Variants in PCDH15 observed in about 807,000 individuals in gnomAD.
PCDH15 encodes protocadherin related 15.
PCDH15 carries 129 observed loss-of-function variants against 178.5 expected under a neutral mutation model. The ratio of observed to expected loss-of-function variants is 0.72; its 90% CI spans 0.63 to 0.84. The LOEUF is 0.84. Ranked by LOEUF, PCDH15 falls within the 40% of genes least tolerant of loss-of-function variation. The pLI is 0.00. For missense variants in PCDH15, 2,230 were observed against 2,099.9 expected (o/e 1.06, Z -1.21); for synonymous variants, 800 against 732.0 (o/e 1.09, Z -1.50).
chr10:53,963,315 T>C (rs1047357316), intron 21 of PCDH15, among the ~76,000 whole-genome samples: 13 of 152,194 alleles, frequency 8.5e-5, no homozygotes, highest in African/African-American at 2.9e-4. Flanking sequence ...GACTGTCTCC[T>C]TGAATACATT....
intron 2 of PCDH15, among the ~76,000 whole-genome samples, chr10:54,911,818 T>G (rs1954823502): frequency 6.6e-6 from 1 of 152,182 alleles, no homozygotes; most frequent in South Asian, 2.1e-4. Context: ...ATGTGCCTTG[T>G]TTCCCTTCAC....
intron 2 of PCDH15, among the ~76,000 whole-genome samples, chr10:55,365,089 AT>A (rs1029466579): frequency 1.3e-5 from 2 of 151,784 alleles, no homozygotes; most frequent in Non-Finnish European, 2.9e-5. Context: ...TAATTTCAAC[AT>A]TTTTTTCTTC....
chr10:54,463,219 A>G (rs1322978182), intron 3 of PCDH15, among the ~76,000 whole-genome samples: 1 of 152,186 alleles, frequency 6.6e-6, no homozygotes, highest in African/African-American at 2.4e-5. Context: ...CTTTGATGGT[A>G]CCAATTTCAT....
At chr10:54,723,643 T>C (rs1453234309) in intron 1 of PCDH15, among the ~76,000 whole-genome samples, 1 of 151,702 alleles carries the variant, frequency 6.6e-6, no homozygotes, top group Non-Finnish European at 1.5e-5. Context: ...TTTCAAATCA[T>C]GCTTCTGACA....
At chr10:53,818,873 G>T (rs909231793) in intron 33 of PCDH15, among the ~76,000 whole-genome samples, 6 of 151,888 alleles carry the variant, frequency 4.0e-5, no homozygotes, top group African/African-American at 1.4e-4. Flanking sequence ...TCCAACAAAA[G>T]AATCTCTGTA....
chr10:54,503,264 T>TGAGA (rs10663998), intron 3 of PCDH15, among the ~76,000 whole-genome samples: 199 of 137,374 alleles, frequency 1.4e-3, no homozygotes, highest in African/African-American at 4.1e-3. Flanking sequence ...TGTGTGTGTG[T>TGAGA]GATTATATAT....
At chr10:55,591,278 C>T (rs1013835313) in intron 2 of PCDH15, among the ~76,000 whole-genome samples, 2 of 151,762 alleles carry the variant, frequency 1.3e-5, no homozygotes, top group African/African-American at 2.4e-5. Flanking sequence ...ACCAAAACTA[C>T]AAAAAAATTA....
At chr10:53,987,177 G>C (rs180714825) in intron 21 of PCDH15, among the ~76,000 whole-genome samples, 2 of 152,000 alleles carry the variant, frequency 1.3e-5, no homozygotes, top group African/African-American at 4.8e-5. Context: ...ATCTAAAAAT[G>C]AAGAAAAATT....
chr10:54,562,015 G>A (rs887624318), intron 2 of PCDH15, among the ~76,000 whole-genome samples: 1 of 91,814 alleles, frequency 1.1e-5, no homozygotes, highest in African/African-American at 4.6e-5. Flanking sequence ...TCCTGAGATT[G>A]TATCTCCCTC....
chr10:54,715,607 T>C (rs1005596761), intron 1 of PCDH15, among the ~76,000 whole-genome samples: 16 of 152,132 alleles, frequency 1.1e-4, no homozygotes, highest in African/African-American at 3.4e-4. Context: ...TTTTCTTTCA[T>C]GGCCAGACAT....
chr10:55,490,039 G>GA (rs1045747235), intron 2 of PCDH15, among the ~76,000 whole-genome samples: 10 of 150,476 alleles, frequency 6.6e-5, no homozygotes, highest in Admixed American at 2.7e-4. Context: ...AAAACAAACA[G>GA]AAAAAAAAAT....
At chr10:54,613,907 A>G (rs1182853232) in intron 2 of PCDH15, among the ~76,000 whole-genome samples, 5 of 151,824 alleles carry the variant, frequency 3.3e-5, no homozygotes, top group Non-Finnish European at 5.9e-5. Flanking sequence ...AATTAGTGCT[A>G]TAATGGCAGG....
intron 9 of PCDH15, among the ~76,000 whole-genome samples, chr10:54,233,275 AC>A (rs1390555935): frequency 6.6e-6 from 1 of 152,118 alleles, no homozygotes; most frequent in Non-Finnish European, 1.5e-5. Flanking sequence ...AGTTTGCTTA[AC>A]ATTTCCAGTG....
chr10:55,500,585 A>G (rs969891868), intron 2 of PCDH15, among the ~76,000 whole-genome samples: 1 of 151,914 alleles, frequency 6.6e-6, no homozygotes, highest in Middle Eastern at 3.4e-3. Context: ...CAAATTCTTC[A>G]GTTCTAACTA....
chr10:53,803,340 G>A lies in PCDH15; in HGVS notation c.*3239C>T, dbSNP rs1840977908. 1 of 151,896 alleles carries A rather than the reference G, an allele frequency of 6.6e-6. No individual in the cohort carries two copies. Among genetic ancestry groups the A allele is most frequent in the African/African-American group, 2.4e-5 (1 of 41,410 alleles). 9.4% of individuals were successfully genotyped at this position (151,896 alleles called of 1,614,324 possible). A position where few individuals can be genotyped will look rare whatever the true frequency, so the allele number is the denominator to read the frequency against. On this transcript the variant is annotated 3_prime_UTR_variant, in exon 38 of 38. Transcript: ENST00000644397. ...GAGAAAGAGAAAAATCAAAGCTCAT[G>A]AAATAAAAGACAGAAAATGTCTTCC...
chr10:55,428,633 T>A (rs944736523), intron 2 of PCDH15, among the ~76,000 whole-genome samples: 4 of 151,946 alleles, frequency 2.6e-5, no homozygotes, highest in African/African-American at 9.7e-5. Context: ...AGCAGTTTTT[T>A]GATAACATAT....
chr10:54,546,976 A>G (rs2085932899), intron 2 of PCDH15, among the ~76,000 whole-genome samples: 1 of 152,180 alleles, frequency 6.6e-6, no homozygotes, highest in Non-Finnish European at 1.5e-5. Context: ...TGAAGTCTGT[A>G]ATGACATTGT....
intron 2 of PCDH15, among the ~76,000 whole-genome samples, chr10:54,599,290 T>C (rs545748681): frequency 6.6e-6 from 1 of 152,164 alleles, no homozygotes; most frequent in East Asian, 1.9e-4. Context: ...AACAACATGG[T>C]ATTGGTACAA....
In PCDH15 at chr10:54,313,168, C is replaced by A. The variant is rs2061012425; in HGVS notation, c.876+4103G>T. On this transcript the variant is annotated intron_variant, in intron 8 of 37. Transcript: ENST00000644397. ...TTCAGTTAAAGACCTCCTTTTTTTA[C>A]TGGCAAGAATCCACTATCCTTAGGA... Among the ~76,000 whole-genome samples the A allele has an allele frequency of 2.0e-5, 3 of 152,010 alleles. No homozygotes were observed. In the South Asian group the frequency reaches 6.2e-4, roughly 31 times the overall value.
Sources: gnomAD v4.1 joint callset for allele counts (sites outside exome capture counted in the v4.1 genomes callset) on GRCh38, gnomAD v4.1.1 for gene constraint, MANE v1.5 for transcripts, NCBI Gene and HGNC (gene_info 2026-07-23, HGNC 2026-07-21) for gene names.